NIT1: variants seen among roughly 807,000 people sequenced by gnomAD.
The protein encoded by NIT1 is nitrilase 1, also known as deaminated glutathione amidase.
NIT1 carries 30 observed loss-of-function variants against 36.8 expected under a neutral mutation model. The ratio of observed to expected loss-of-function variants is 0.82; its 90% CI spans 0.61 to 1.11. The LOEUF is 1.11. Among genes scored for constraint, NIT1 ranks in the 50% least tolerant of loss-of-function variants. NIT1 has a pLI of 0.00. For missense variants in NIT1, 438 were observed against 410.6 expected, an observed-to-expected ratio of 1.07 and a Z score of -0.58; for synonymous variants, 151 against 155.6, an observed-to-expected ratio of 0.97 and a Z score of 0.22.
chr1:161,120,822 G>A lies in NIT1; in HGVS notation c.*57G>A. Reference sequence around the variant, plus strand: ...TCCCACCCCCACCCTGCCACTATGAGCTAGTGCTCATGTGACTTGGAGGCA... The same window carrying A: ...TCCCACCCCCACCCTGCCACTATGAACTAGTGCTCATGTGACTTGGAGGCA... On this transcript the variant is annotated 3_prime_UTR_variant, in exon 7 of 7. Coordinates refer to ENST00000368009, the MANE Select transcript of NIT1 (RefSeq NM_005600.3). 3 of 1,478,850 alleles carry A rather than the reference G, an allele frequency of 2.0e-6. No individual in the cohort carries two copies. Among genetic ancestry groups the A allele is most frequent in the South Asian group, 1.2e-5 (1 of 82,504 alleles). 91.6% of individuals were successfully genotyped at this position (1,478,850 alleles called of 1,614,324 possible).
chr1:161,124,568 G>A, downstream of NIT1: 3 of 1,494,806 alleles, frequency 2.0e-6, no homozygotes, highest in Non-Finnish European at 2.7e-6. Context: ...CTCAAGGGCA[G>A]GAACTAGTCT....
At chr1:161,123,898 T>C (rs1446854250), downstream of NIT1, 11 of 1,614,022 alleles carry the variant, frequency 6.8e-6, no homozygotes, top group East Asian at 2.2e-5. Context: ...GGGGGTCACA[T>C]AGCGAATTGA....
intron 1 of NIT1, 121 bp downstream of exon 1, chr1:161,118,299 C>A: frequency 8.8e-7 from 1 of 1,134,264 alleles, no homozygotes. Flanking sequence ...GAGCGGGCGG[C>A]GGGAGGGTGG....
At position 161,121,167 on chromosome 1, in the gene NIT1, CCCTA is replaced by C; in HGVS notation, c.*407_*410del. 9.5e-7 allele frequency: 1 copy of C among 1,049,846 alleles called. No individual in the cohort carries two copies. Among genetic ancestry groups the C allele is most frequent in the South Asian group, 3.1e-5 (1 of 31,756 alleles). 65.0% of individuals were successfully genotyped at this position (1,049,846 alleles called of 1,614,324 possible). ...ACCTCCTGGCTCATTCAACATGCCT[CCCTA>C]CCTAAATAAAAGTGCAACACTCAGT... On this transcript the variant is annotated 3_prime_UTR_variant, in exon 7 of 7. Transcript: ENST00000368009.
At chr1:161,120,014 A>G in intron 5 of NIT1, 62 bp downstream of exon 5, 1 of 1,605,966 alleles carries the variant, frequency 6.2e-7, no homozygotes, top group East Asian at 2.2e-5. Flanking sequence ...AGTAGAGGAT[A>G]GAAAGCCCTA....
chr1:161,122,345 G>A, downstream of NIT1: 1 of 1,614,214 alleles, frequency 6.2e-7, no homozygotes, highest in Non-Finnish European at 8.5e-7. The surrounding 1 kb of genome is among the most constrained non-coding windows in gnomAD (Gnocchi z 4.2). Context: ...CGAGGTAGGT[G>A]AGCTCAGAGA....
At position 161,119,879 on chromosome 1, in the gene NIT1, G is replaced by T. The variant is rs144687370; in HGVS notation, c.518G>T (p.Gly173Val). 5.4e-5 allele frequency: 87 copies of T among 1,613,204 alleles called. 1 individual carries two copies. Among genetic ancestry groups the T allele is most frequent in the Non-Finnish European group, 5.4e-5 (64 of 1,179,792 alleles). Reference protein sequence around the residue: ...HLCDVEIPGQGPMCESNSTMP... With the variant: ...HLCDVEIPGQVPMCESNSTMP... ...TGTGACGTAGAGATTCCAGGGCAGG[G>T]GCCTATGTGTGAAAGCAACTCTACC... The change falls in exon 5 of 7, where the codon GGG becomes GTG. Residue 173 changes from glycine (G) to valine (V), a missense_variant. Transcript: ENST00000368009.
At chr1:161,118,372 G>A in intron 1 of NIT1, 194 bp downstream of exon 1, 1 of 1,523,510 alleles carries the variant, frequency 6.6e-7, no homozygotes, top group Non-Finnish European at 8.8e-7. Flanking sequence ...AGGGGTGGGA[G>A]ACGAGAGAGG....
downstream of NIT1, chr1:161,121,977 AG>A: frequency 1.2e-6 from 1 of 815,220 alleles, no homozygotes; most frequent in Non-Finnish European, 1.9e-6. Flanking sequence ...ACATGGGTGC[AG>A]GGAGGGGTGG....
In NIT1 at chr1:161,118,502, A is replaced by G. The variant is rs138523655; in HGVS notation, c.3-284A>G. 14,105 of 1,536,140 alleles carry G rather than the reference A, an allele frequency of 9.2e-3. 81 individuals carry two copies. The highest frequency in any genetic ancestry group is 0.011 in the Non-Finnish European group (12,546 of 1,146,918). On this transcript the variant is annotated intron_variant, in intron 1 of 6. Coordinates refer to ENST00000368009, the MANE Select transcript of NIT1 (RefSeq NM_005600.3). ...AAACCAAGGATAGTTCCCGGAGATGACTTTTGGACTGCGGAAACGTTTGTC... is the reference window on the plus strand; with the variant it reads ...AAACCAAGGATAGTTCCCGGAGATGGCTTTTGGACTGCGGAAACGTTTGTC...
downstream of NIT1, chr1:161,122,315 G>A (rs892134927): frequency 3.1e-6 from 5 of 1,614,120 alleles, no homozygotes; most frequent in Non-Finnish European, 4.2e-6. This position sits in a 1 kb window ranked among gnomAD's most constrained non-coding sequence, Gnocchi z 4.2. Flanking sequence ...AGCCATTGAT[G>A]TAGTCACGCC....
At chr1:161,123,707 ATTT>A, downstream of NIT1, 8 of 632,734 alleles carry the variant, frequency 1.3e-5, no homozygotes, top group South Asian at 2.3e-5. Flanking sequence ...ACCTCGCCTG[ATTT>A]TTTTTTTTTA....
At chr1:161,118,223 G>A (rs747653235) in intron 1 of NIT1, 45 bp downstream of exon 1, 4 of 1,613,984 alleles carry the variant, frequency 2.5e-6, no homozygotes, top group Non-Finnish European at 3.4e-6. Context: ...AATCCCACCT[G>A]CGGTGCTTTA....
chr1:161,119,922 T>C lies in NIT1; in HGVS notation c.561T>C (p.Leu187=), dbSNP rs1316002913. ...ESNSTMPGPS[L]ESPVSTPAGK... is the part of the protein sequence containing the mutation. Reference sequence around the variant, plus strand: ...ACTCTACCATGCCTGGGCCCAGTCTTGAGTCACCTGTCAGCACACCAGCAG... The same window carrying C: ...ACTCTACCATGCCTGGGCCCAGTCTCGAGTCACCTGTCAGCACACCAGCAG... Residue 187 remains leucine (L), a synonymous_variant, in exon 5 of 7, where the codon CTT becomes CTC. Transcript: ENST00000368009. The C allele has an allele frequency of 1.1e-5, 18 of 1,611,890 alleles. No individual in the cohort carries two copies. The highest frequency in any genetic ancestry group is 1.3e-5 in the Non-Finnish European group (15 of 1,179,484).
rs764945777 is a variant in NIT1, at chr1:161,120,998, T to A, written c.*233T>A. 23 of 1,394,038 alleles carry A rather than the reference T, an allele frequency of 1.6e-5. No homozygotes were observed. Among genetic ancestry groups the A allele is most frequent in the African/African-American group, 4.4e-5 (3 of 68,962 alleles). The allele number at this position is 1,394,038 out of a possible 1,614,324, so 86.4% of individuals were successfully genotyped here. On this transcript the variant is annotated 3_prime_UTR_variant, in exon 7 of 7. Coordinates refer to ENST00000368009, the MANE Select transcript of NIT1 (RefSeq NM_005600.3). ...GGAATTTTATATAGTCATTGTTTATTTCATGGAAACTGAAGTTCTGCTGAG... is the reference window on the plus strand; with the variant it reads ...GGAATTTTATATAGTCATTGTTTATATCATGGAAACTGAAGTTCTGCTGAG...
At chr1:161,118,229 C>CT (rs1655044149) in intron 1 of NIT1, 51 bp downstream of exon 1, 1 of 1,613,760 alleles carries the variant, frequency 6.2e-7, no homozygotes, top group Non-Finnish European at 8.5e-7. Context: ...ACCTGCGGTG[C>CT]TTTAACTTGT....
rs1004003101 is a variant in NIT1 at position 161,120,806 on chromosome 1, C to G, written c.*41C>G. 2 of 1,584,708 alleles carry G rather than the reference C, an allele frequency of 1.3e-6. No homozygotes were observed. Among genetic ancestry groups the G allele is most frequent in the Admixed American group, 1.7e-5 (1 of 58,864 alleles). On this transcript the variant is annotated 3_prime_UTR_variant, in exon 7 of 7. Coordinates refer to ENST00000368009, the MANE Select transcript of NIT1 (RefSeq NM_005600.3). ...AGTTTAGACCTGCCCCTCCCACCCC[C>G]ACCCTGCCACTATGAGCTAGTGCTC...
At chr1:161,123,117 G>A, downstream of NIT1, 4 of 1,614,148 alleles carry the variant, frequency 2.5e-6, no homozygotes, top group Non-Finnish European at 1.7e-6. Context: ...ACTGACTTCC[G>A]GCGTTTTCGC....
At chr1:161,124,416 T>G (rs1459003859), downstream of NIT1, 2 of 1,612,084 alleles carry the variant, frequency 1.2e-6, no homozygotes, top group East Asian at 2.2e-5. Flanking sequence ...CTGCTCACCA[T>G]GCTCTTCTGG....
Sources: allele counts gnomAD v4.1 joint callset, GRCh38; gene constraint gnomAD v4.1.1; non-coding constraint Gnocchi (gnomAD v3.1); transcripts MANE v1.5; gene names NCBI Gene and HGNC (gene_info 2026-07-23, HGNC 2026-07-21).